PHF8: variants seen among roughly 807,000 people sequenced by gnomAD.
PHF8 encodes histone lysine demethylase PHF8.
A neutral mutation model predicts 74.4 loss-of-function variants in PHF8; 9 were observed. The ratio of observed to expected loss-of-function variants is 0.12; its 90% CI spans 0.07 to 0.21. The LOEUF is 0.21. Among genes scored for constraint, PHF8 ranks in the 10% least tolerant of loss-of-function variants. The probability of loss-of-function intolerance (pLI) is 1.00; values close to 1 mark genes in which losing one functional copy is unlikely to be tolerated. For synonymous variants in PHF8, 311 were observed against 316.6 expected (o/e 0.98, Z 0.19); for missense variants, 478 against 816.6 (o/e 0.59, Z 5.05).
chrX:53,949,550 T>C (rs1261110580), intron 19 of PHF8, among the ~76,000 whole-genome samples: 1 of 109,359 alleles, frequency 9.1e-6, no homozygotes, highest in Non-Finnish European at 1.9e-5. Context: ...CTGTGGCTCA[T>C]GCCTGTAATC....
At chrX:54,019,047 T>C (rs2066120892) in intron 4 of PHF8, among the ~76,000 whole-genome samples, 2 of 112,187 alleles carry the variant, frequency 1.8e-5, no homozygotes, top group Admixed American at 9.5e-5. Flanking sequence ...CTTAACCATA[T>C]AGAAATTAAA....
At chrX:53,957,190 C>CAAA (rs11329889) in intron 19 of PHF8, among the ~76,000 whole-genome samples, 1 of 81,580 alleles carries the variant, frequency 1.2e-5, no homozygotes, top group Non-Finnish European at 2.6e-5. Flanking sequence ...ACTAAAAATA[C>CAAA]AAAAAAAAAA....
rs2065705760 is a variant in PHF8, at chrX:53,993,778, T to C, written c.1449A>G (p.Ser483=). ...HSTSVSMSRL[S]LPSKNGSKKK... is the part of the protein sequence containing the mutation. ...TCTTTGAACCATTTTTGGAGGGCAGTGACAGCCTGGACATGGACACTGAAG... is the reference window on the plus strand; with the variant it reads ...TCTTTGAACCATTTTTGGAGGGCAGCGACAGCCTGGACATGGACACTGAAG... The change falls in exon 13 of 22, where the codon TCA becomes TCG. Residue 483 remains serine, a synonymous_variant. Transcript: ENST00000338154. 8.3e-7 allele frequency: 1 copy of C among 1,211,138 alleles called. No individual in the cohort carries two copies. The highest frequency in any genetic ancestry group is 1.1e-6 in the Non-Finnish European group (1 of 894,664).
upstream of PHF8, among the ~76,000 whole-genome samples, chrX:54,047,383 A>G (rs782013890): frequency 9.0e-6 from 1 of 111,236 alleles, no homozygotes. Flanking sequence ...GACTAAATTT[A>G]ATTTGGACTA....
intron 20 of PHF8, chrX:53,942,702 G>C (rs1415982477): frequency 1.4e-6 from 1 of 733,648 alleles, no homozygotes; most frequent in Non-Finnish European, 1.6e-6. Flanking sequence ...TATAGAAAAA[G>C]GCCTCTGAAA....
intron 16 of PHF8, among the ~76,000 whole-genome samples, chrX:53,986,330 C>T (rs2065565647): frequency 8.9e-6 from 1 of 112,628 alleles, no homozygotes; most frequent in Non-Finnish European, 1.9e-5. Flanking sequence ...CAACCTCTGC[C>T]TCCTGGGTTC....
intron 2 of PHF8, among the ~76,000 whole-genome samples, chrX:54,040,306 G>T (rs1557115505): frequency 9.0e-6 from 1 of 110,726 alleles, no homozygotes; most frequent in African/African-American, 3.3e-5. Flanking sequence ...AGGGCCCCAG[G>T]CAACAGCTTT....
At chrX:54,018,348 T>C (rs2066106083) in intron 4 of PHF8, among the ~76,000 whole-genome samples, 1 of 110,466 alleles carries the variant, frequency 9.1e-6, no homozygotes, top group Non-Finnish European at 1.9e-5. Context: ...TCCTACGTAC[T>C]TGGGAGGCTG....
chrX:53,963,390 G>A (rs1422128978), intron 18 of PHF8, among the ~76,000 whole-genome samples: 4 of 111,741 alleles, frequency 3.6e-5, no homozygotes, highest in Middle Eastern at 4.2e-3. Flanking sequence ...TTTACCATAA[G>A]GGCAGGAATA....
Position 54,017,521 on chromosome X carries a change from G to T in PHF8, c.454+140C>A, listed in dbSNP as rs782119711. ...GGATTTTGACTCTATCTCTGCCAAA[G>T]AATGACTTTGGACAAGGCATTTCAC... On this transcript the variant is annotated intron_variant, in intron 5 of 21. Transcript: ENST00000338154. 1.0e-4 allele frequency: 52 copies of T among 509,968 alleles called. No homozygotes were observed. The South Asian group carries it at 1.5e-3, about 15-fold the overall frequency. The allele number at this position is 509,968 out of a possible 1,213,427, so 42.0% of individuals were successfully genotyped here.
intron 4 of PHF8, among the ~76,000 whole-genome samples, chrX:54,020,176 G>A (rs1391363753): frequency 8.9e-6 from 1 of 111,896 alleles, no homozygotes; most frequent in Non-Finnish European, 1.9e-5. Context: ...ACAAGAGCGA[G>A]ACATCGTCTC....
At chrX:53,957,302 G>A (rs1449117004) in intron 19 of PHF8, among the ~76,000 whole-genome samples, 3 of 109,537 alleles carry the variant, frequency 2.7e-5, no homozygotes, top group South Asian at 4.0e-4. Context: ...GCAGTGGGCC[G>A]GGATCTCGCC....
intron 2 of PHF8, among the ~76,000 whole-genome samples, chrX:54,036,601 CTTTTTT>C (rs1214778792): frequency 3.8e-5 from 2 of 52,553 alleles, no homozygotes; most frequent in Non-Finnish European, 7.0e-5. Flanking sequence ...AAAAAAAAAA[CTTTTTT>C]TTTTTTTAAT....
At chrX:53,960,873 T>C (rs1481087480) in intron 19 of PHF8, among the ~76,000 whole-genome samples, 1 of 111,173 alleles carries the variant, frequency 9.0e-6, no homozygotes, top group Non-Finnish European at 1.9e-5. Context: ...TGCTTCTGGG[T>C]GGCGGACTCG....
intron 18 of PHF8, among the ~76,000 whole-genome samples, chrX:53,964,395 TAAAAG>T (rs1727843315): frequency 9.3e-6 from 1 of 107,343 alleles, no homozygotes; most frequent in African/African-American, 3.4e-5. Flanking sequence ...AAAGGAAAAA[TAAAAG>T]AAAGTATGGT....
In PHF8 at chrX:53,938,152, C is replaced by A; in HGVS notation, c.*1006G>T. 2.7e-6 allele frequency: 3 copies of A among 1,125,918 alleles called. No individual in the cohort carries two copies. Among genetic ancestry groups the A allele is most frequent in the Non-Finnish European group, 3.5e-6 (3 of 853,199 alleles). 92.8% of individuals were successfully genotyped at this position (1,125,918 alleles called of 1,213,427 possible). ...TGGAGAAAGAAGCATGAAAAGTTCC[C>A]GATGGAGGACCCAGGTGTGGGCCGT... On this transcript the variant is annotated 3_prime_UTR_variant, in exon 22 of 22. Transcript: ENST00000338154.
At chrX:54,019,784 C>T (rs2066135787) in intron 4 of PHF8, among the ~76,000 whole-genome samples, 1 of 83,395 alleles carries the variant, frequency 1.2e-5, no homozygotes, top group South Asian at 6.1e-4. Flanking sequence ...CAAGACACCG[C>T]CTCAAAAAAA....
chrX:53,943,555 C>CA (rs2064784423), intron 20 of PHF8, among the ~76,000 whole-genome samples: 1 of 111,662 alleles, frequency 9.0e-6, no homozygotes, highest in Admixed American at 9.6e-5. Context: ...ATATTGATTG[C>CA]AAGATAACCA....
intron 2 of PHF8, 44 bp from the exon 3 acceptor site, chrX:54,022,887 T>G: frequency 1.2e-6 from 1 of 852,937 alleles, no homozygotes; most frequent in Non-Finnish European, 1.7e-6. Context: ...AATTTTATTT[T>G]TTATGAGGTC....
Sources: allele counts gnomAD v4.1 joint callset (sites outside exome capture counted in the v4.1 genomes callset), GRCh38; gene constraint gnomAD v4.1.1; transcripts MANE v1.5; gene names NCBI Gene and HGNC (gene_info 2026-07-23, HGNC 2026-07-21).